Variants in FAAH2 observed in about 807,000 individuals in gnomAD.
The protein encoded by FAAH2 is fatty-acid amide hydrolase 2.
FAAH2 carries 60 observed loss-of-function variants against 36.9 expected under a neutral mutation model. That is an observed-to-expected ratio of 1.63 (90% CI 1.32 to 2.02). The LOEUF (loss-of-function observed/expected upper bound fraction) is 2.02, where lower values mean the gene tolerates loss of function less well. Ranked by LOEUF, FAAH2 falls within the 30% of genes most tolerant of loss-of-function variation. The probability of loss-of-function intolerance (pLI) is 0.00; values close to 1 mark genes in which losing one functional copy is unlikely to be tolerated. For synonymous variants in FAAH2, 214 were observed against 143.8 expected (o/e 1.49, Z -3.49); for missense variants, 689 against 397.5 (o/e 1.73, Z -6.23).
At chrX:57,380,552 G>A (rs1235527468) in intron 6 of FAAH2, among the ~76,000 whole-genome samples, 1 of 111,705 alleles carries the variant, frequency 9.0e-6, no homozygotes, top group Non-Finnish European at 1.9e-5. Flanking sequence ...TTACATCTAA[G>A]CAATGCTGAG....
intron 2 of FAAH2, 113 bp from the exon 3 acceptor site, chrX:57,310,480 C>A: frequency 1.2e-6 from 1 of 852,465 alleles, no homozygotes; most frequent in Non-Finnish European, 1.6e-6. Context: ...TTGACAAGTA[C>A]ATTAACTTTA....
intron 10 of FAAH2, among the ~76,000 whole-genome samples, chrX:57,475,436 T>C (rs781580433): frequency 4.0e-4 from 45 of 112,245 alleles, no homozygotes; most frequent in African/African-American, 1.4e-3. Context: ...TTCAGCATCA[T>C]TTATTAAATA....
the FAAH2 span, among the ~76,000 whole-genome samples, chrX:57,133,038 T>C: frequency 9.0e-6 from 1 of 111,240 alleles, no homozygotes; most frequent in Non-Finnish European, 1.9e-5. Context: ...AGTTCTCCCA[T>C]TGCCTTCAGG....
chrX:57,315,329 CA>C (rs1315856810), intron 3 of FAAH2, among the ~76,000 whole-genome samples: 1 of 110,433 alleles, frequency 9.1e-6, no homozygotes, highest in Non-Finnish European at 1.9e-5. Flanking sequence ...ACCAGACATA[CA>C]AAAAAGAGAT....
intron 7 of FAAH2, among the ~76,000 whole-genome samples, chrX:57,383,435 C>T (rs1868282300): frequency 8.9e-6 from 1 of 112,041 alleles, no homozygotes; most frequent in South Asian, 3.7e-4. Context: ...TCCATCTTCT[C>T]AGCCCAAAAT....
chrX:57,385,322 T>C (rs1602489402), intron 7 of FAAH2, among the ~76,000 whole-genome samples: 1 of 109,559 alleles, frequency 9.1e-6, no homozygotes, highest in East Asian at 2.9e-4. Flanking sequence ...AGAAACTTGA[T>C]TGTGGTAAAA....
chrX:57,438,668 G>A (rs973392668), intron 8 of FAAH2, among the ~76,000 whole-genome samples: 1 of 109,265 alleles, frequency 9.2e-6, no homozygotes. Context: ...TGTTACATAT[G>A]TATACATGTG....
intron 10 of FAAH2, among the ~76,000 whole-genome samples, chrX:57,459,266 C>T (rs1443218198): frequency 8.9e-6 from 1 of 112,146 alleles, no homozygotes; most frequent in Non-Finnish European, 1.9e-5. Flanking sequence ...TATGGCCAGA[C>T]TGCCTCTCTA....
the FAAH2 span, among the ~76,000 whole-genome samples, chrX:57,126,106 A>G: frequency 8.9e-6 from 1 of 112,512 alleles, no homozygotes; most frequent in African/African-American, 3.2e-5. Flanking sequence ...TTGAAGTTCA[A>G]AAACAATCAT....
At chrX:57,174,097 A>G in the FAAH2 span, among the ~76,000 whole-genome samples, 1 of 110,609 alleles carries the variant, frequency 9.0e-6, no homozygotes, top group South Asian at 3.8e-4. Flanking sequence ...CTTAGGGAGG[A>G]TATTTAAGAT....
chrX:57,401,371 A>G (rs1408283371), intron 7 of FAAH2, among the ~76,000 whole-genome samples: 2 of 111,094 alleles, frequency 1.8e-5, no homozygotes, highest in African/African-American at 3.3e-5. Flanking sequence ...GCAAACAAGA[A>G]TTGAGAGTCA....
At chrX:57,319,527 CA>C (rs999213445) in intron 3 of FAAH2, among the ~76,000 whole-genome samples, 1 of 111,707 alleles carries the variant, frequency 9.0e-6, no homozygotes, top group African/African-American at 3.3e-5. Flanking sequence ...AGAGAGGACA[CA>C]AACAAATGGA....
the FAAH2 span, among the ~76,000 whole-genome samples, chrX:57,200,705 T>C: frequency 1.8e-5 from 2 of 112,020 alleles, no homozygotes; most frequent in Non-Finnish European, 3.8e-5. Flanking sequence ...ATTTTTTTCA[T>C]TTCTATTCAT....
At chrX:57,441,235 T>C (rs1324413119) in intron 8 of FAAH2, among the ~76,000 whole-genome samples, 4 of 111,562 alleles carry the variant, frequency 3.6e-5, no homozygotes, top group African/African-American at 1.3e-4. Flanking sequence ...TGTCTGGTTC[T>C]GGATTTTTTT....
chrX:57,197,262 C>T, the FAAH2 span, among the ~76,000 whole-genome samples: 1 of 111,288 alleles, frequency 9.0e-6, no homozygotes, highest in Non-Finnish European at 1.9e-5. Context: ...AGATTGTTTT[C>T]ATCCTTATCT....
At chrX:57,277,513 A>T in the FAAH2 span, among the ~76,000 whole-genome samples, 7 of 112,137 alleles carry the variant, frequency 6.2e-5, no homozygotes, top group Admixed American at 1.9e-4. Context: ...AAACCAGCAC[A>T]ATACAAGGAT....
chrX:57,194,208 T>C, the FAAH2 span, among the ~76,000 whole-genome samples: 2 of 111,622 alleles, frequency 1.8e-5, no homozygotes, highest in Admixed American at 1.9e-4. Context: ...CATTACTTCT[T>C]ATTTGTTTGT....
At chrX:57,364,604 A>G (rs764442853) in intron 5 of FAAH2, among the ~76,000 whole-genome samples, 2 of 109,513 alleles carry the variant, frequency 1.8e-5, no homozygotes, top group South Asian at 7.9e-4. Context: ...TAGTAACTTT[A>G]GAGTCTCTCT....
chrX:57,292,551 C>T lies in FAAH2; in HGVS notation c.246C>T (p.Asn82=). Residue 82 remains asparagine (N), a synonymous_variant, in exon 2 of 11, where the codon AAC becomes AAT. Transcript: ENST00000374900. ...QAYINRIKDV[N]PMINGIVKYR... is the part of the protein sequence containing the mutation. ...ATATCAACAGAATCAAGGACGTGAA[C>T]CCAATGATCAATGGAATTGTCAAGT... 8.3e-7 allele frequency: 1 copy of T among 1,209,599 alleles called. No homozygotes were observed. The highest frequency in any genetic ancestry group is 1.1e-6 in the Non-Finnish European group (1 of 894,154).
Sources: gnomAD v4.1 joint callset for allele counts (sites outside exome capture counted in the v4.1 genomes callset) on GRCh38, gnomAD v4.1.1 for gene constraint, MANE v1.5 for transcripts, NCBI Gene and HGNC (gene_info 2026-07-23, HGNC 2026-07-21) for gene names.